MYO1B: variants seen among roughly 807,000 people sequenced by gnomAD.
MYO1B encodes the protein myosin IB.
Under a neutral mutation model 159.7 loss-of-function variants are expected in MYO1B, and 72 were observed. That is an observed-to-expected ratio of 0.45 (90% CI 0.37 to 0.55). MYO1B has a LOEUF of 0.55. Among genes scored for constraint, MYO1B ranks in the 20% least tolerant of loss-of-function variants. The probability of loss-of-function intolerance (pLI) is 0.00; values close to 1 mark genes in which losing one functional copy is unlikely to be tolerated. For synonymous variants in MYO1B, 468 were observed against 473.8 expected, an observed-to-expected ratio of 0.99 and a Z score of 0.16; for missense variants, 1,062 against 1,364.8, an observed-to-expected ratio of 0.78 and a Z score of 3.50.
At chr2:191,399,899 A>G (rs1278542670) in intron 21 of MYO1B, among the ~76,000 whole-genome samples, 1 of 152,140 alleles carries the variant, frequency 6.6e-6, no homozygotes, top group African/African-American at 2.4e-5. Context: ...GCCCCCATAA[A>G]ATCAGTTTCC....
At chr2:191,353,984 G>T (rs1000747695) in intron 7 of MYO1B, among the ~76,000 whole-genome samples, 8 of 152,160 alleles carry the variant, frequency 5.3e-5, no homozygotes, top group African/African-American at 1.4e-4. Context: ...TAGGCTGGGT[G>T]CCATGGCTCA....
At chr2:191,282,542 G>A (rs897746331) in intron 2 of MYO1B, among the ~76,000 whole-genome samples, 2 of 152,140 alleles carry the variant, frequency 1.3e-5, no homozygotes, top group Non-Finnish European at 2.9e-5. Context: ...ATTTCAAATA[G>A]TACAGCCAGA....
chr2:191,407,959 C>T, intron 24 of MYO1B, 156 bp from the exon 25 acceptor site: 1 of 445,868 alleles, frequency 2.2e-6, no homozygotes, highest in Non-Finnish European at 4.0e-6. Context: ...GACTTAAGAT[C>T]CACTATATGA....
chr2:191,344,050 A>G (rs1692400500), intron 5 of MYO1B, among the ~76,000 whole-genome samples: 2 of 152,220 alleles, frequency 1.3e-5, no homozygotes, highest in African/African-American at 4.8e-5. Context: ...AGCACCCTGA[A>G]TAAAGTTTCT....
intron 24 of MYO1B, among the ~76,000 whole-genome samples, chr2:191,404,558 C>T (rs1241333965): frequency 6.6e-6 from 1 of 152,138 alleles, no homozygotes; most frequent in East Asian, 1.9e-4. Flanking sequence ...GGCTAAAAGA[C>T]AGATGATAAT....
intron 13 of MYO1B, chr2:191,370,877 C>T (rs891500986): frequency 6.6e-6 from 1 of 152,192 alleles, no homozygotes; most frequent in Admixed American, 6.5e-5. Context: ...TCTGCTGAAG[C>T]TCATGGTGAA....
intron 3 of MYO1B, among the ~76,000 whole-genome samples, chr2:191,310,963 T>C (rs1689967277): frequency 6.6e-6 from 1 of 152,250 alleles, no homozygotes; most frequent in African/African-American, 2.4e-5. Flanking sequence ...TTCTAGTTGC[T>C]ATTGGTGATG....
At chr2:191,336,313 A>G (rs752669583) in intron 4 of MYO1B, among the ~76,000 whole-genome samples, 39 of 152,188 alleles carry the variant, frequency 2.6e-4, no homozygotes, top group Non-Finnish European at 4.3e-4. Flanking sequence ...CTCCAACTGG[A>G]CAGTGACAGA....
intron 1 of MYO1B, 110 bp from the exon 2 acceptor site, chr2:191,276,777 C>A: frequency 2.3e-6 from 3 of 1,278,104 alleles, no homozygotes; most frequent in Non-Finnish European, 3.2e-6. Context: ...TTTTTTAAGG[C>A]TAGTGAGAGT....
intron 8 of MYO1B, among the ~76,000 whole-genome samples, chr2:191,361,852 A>C (rs6742999): frequency 0.064 from 9,793 of 152,126 alleles, 1,046 homozygotes; most frequent in African/African-American, 0.22. Context: ...ACCAATTGGT[A>C]TGAAGACATT....
intron 2 of MYO1B, among the ~76,000 whole-genome samples, chr2:191,277,674 T>A (rs559193137): frequency 6.6e-6 from 1 of 152,318 alleles, no homozygotes; most frequent in Non-Finnish European, 1.5e-5. Flanking sequence ...AAAAAATACA[T>A]TTATATGCAG....
At chr2:191,269,677 T>A (rs185677231) in intron 1 of MYO1B, among the ~76,000 whole-genome samples, 18 of 152,114 alleles carry the variant, frequency 1.2e-4, no homozygotes, top group Non-Finnish European at 1.5e-5. Context: ...TTGGGTGGTG[T>A]GGGCTGGGGA....
chr2:191,396,665 G>A (rs1696093986), intron 21 of MYO1B, among the ~76,000 whole-genome samples, 168 bp downstream of exon 21: 1 of 152,196 alleles, frequency 6.6e-6, no homozygotes, highest in Non-Finnish European at 1.5e-5. Flanking sequence ...GGACCCTGGT[G>A]ACCATGTCTT....
chr2:191,392,171 A>G lies in MYO1B; in HGVS notation c.2046A>G (p.Arg682=). The G allele has an allele frequency of 6.2e-7, 1 of 1,607,746 alleles. No homozygotes were observed. The highest frequency in any genetic ancestry group is 8.5e-7 in the Non-Finnish European group (1 of 1,175,346). The change falls in exon 19 of 31, where the codon AGA becomes AGG. Residue 682 remains arginine, a synonymous_variant. Coordinates refer to ENST00000392318, the MANE Select transcript of MYO1B (RefSeq NM_001130158.3). ...EIPVEEYSFG[R]SKIFIRNPRT... is the part of the protein sequence containing the mutation. ...CCGTGGAAGAATACTCCTTTGGTAG[A>G]TCAAAGATATTCATCCGAAACCCAA...
At chr2:191,348,155 C>G (rs899069656) in intron 6 of MYO1B, among the ~76,000 whole-genome samples, 1 of 152,194 alleles carries the variant, frequency 6.6e-6, no homozygotes, top group Non-Finnish European at 1.5e-5. Flanking sequence ...TGTCATTCCA[C>G]TATCAACTGA....
intron 5 of MYO1B, among the ~76,000 whole-genome samples, chr2:191,343,237 A>G (rs1036821680): frequency 6.6e-6 from 1 of 152,226 alleles, no homozygotes; most frequent in African/African-American, 2.4e-5. Flanking sequence ...AAGTAAAGTC[A>G]TGGAAGGATG....
At chr2:191,418,870 C>T (rs1180714118) in intron 30 of MYO1B, among the ~76,000 whole-genome samples, 1 of 152,210 alleles carries the variant, frequency 6.6e-6, no homozygotes, top group African/African-American at 2.4e-5. Flanking sequence ...AGTTTCTAGT[C>T]CTTAAACTTC....
At chr2:191,328,473 T>C (rs765519384) in intron 3 of MYO1B, among the ~76,000 whole-genome samples, 11 of 152,234 alleles carry the variant, frequency 7.2e-5, no homozygotes, top group Non-Finnish European at 1.5e-4. Context: ...CTGGCCCTGC[T>C]GTGTCACACT....
intron 2 of MYO1B, among the ~76,000 whole-genome samples, chr2:191,288,062 A>G (rs1688483906): frequency 6.6e-6 from 1 of 151,996 alleles, no homozygotes; most frequent in African/African-American, 2.4e-5. Flanking sequence ...AAGGCTGAAC[A>G]GTGTTCCATT....
Sources: gnomAD v4.1 joint callset for allele counts (sites outside exome capture counted in the v4.1 genomes callset) on GRCh38, gnomAD v4.1.1 for gene constraint, MANE v1.5 for transcripts, NCBI Gene and HGNC (gene_info 2026-07-23, HGNC 2026-07-21) for gene names.